GNL3L: variants seen among roughly 807,000 people sequenced by gnomAD.
The protein encoded by GNL3L is guanine nucleotide-binding protein-like 3-like protein.
In GNL3L, 4 loss-of-function variants were observed where a neutral mutation model predicts 42.9. That is an observed-to-expected ratio of 0.09 (90% CI 0.05 to 0.21). The LOEUF is 0.21. Ranked by LOEUF, GNL3L falls within the 10% of genes least tolerant of loss-of-function variation. GNL3L has a pLI of 1.00. For synonymous variants in GNL3L, 159 were observed against 176.3 expected (o/e 0.90, Z 0.78); for missense variants, 412 against 481.7 (o/e 0.86, Z 1.36).
rs182945288 is a variant in GNL3L, at chrX:54,616,205, C to T, written c.*46-4640C>T. 3.9e-3 allele frequency among the ~76,000 whole-genome samples: 441 copies of T among 112,958 alleles called. 3 individuals carry two copies. Among genetic ancestry groups the T allele is most frequent in the South Asian group, 9.4e-3 (26 of 2,758 alleles). ...GCAAGGGCAGTGCCCGCCATATGGG[C>T]GCCACAAGCAGGCTACAGAAAGGGT... On this transcript the variant is annotated intron_variant, in intron 16 of 16. Coordinates refer to the GNL3L transcript ENST00000674498.
chrX:54,628,962 TA>T, the GNL3L span, among the ~76,000 whole-genome samples: 1 of 106,508 alleles, frequency 9.4e-6, no homozygotes, highest in Non-Finnish European at 1.9e-5. Flanking sequence ...TAATTAAATA[TA>T]AAATATAATT....
At chrX:54,545,373 GTTT>G (rs201304612) in intron 8 of GNL3L, among the ~76,000 whole-genome samples, 1 of 98,332 alleles carries the variant, frequency 1.0e-5, no homozygotes, top group African/African-American at 3.6e-5. Flanking sequence ...TAAGTTTTGT[GTTT>G]TTTTTTTTTA....
the GNL3L span, among the ~76,000 whole-genome samples, chrX:54,636,344 T>C: frequency 1.8e-5 from 2 of 112,163 alleles, no homozygotes; most frequent in Non-Finnish European, 3.8e-5. Flanking sequence ...AAAACTTTCT[T>C]ACCATTTTGA....
chrX:54,622,998 T>A (rs1031865722), downstream of GNL3L, among the ~76,000 whole-genome samples: 2 of 111,933 alleles, frequency 1.8e-5, no homozygotes, highest in African/African-American at 6.5e-5. Flanking sequence ...TTTAATGGAC[T>A]TGTCACCTTT....
chrX:54,611,010 A>C (rs1199880717), intron 16 of GNL3L, among the ~76,000 whole-genome samples: 1 of 111,110 alleles, frequency 9.0e-6, no homozygotes, highest in Non-Finnish European at 1.9e-5. Flanking sequence ...TTAAATTACC[A>C]TTTCAGCCTC....
chrX:54,629,342 A>G, the GNL3L span, among the ~76,000 whole-genome samples: 1 of 111,585 alleles, frequency 9.0e-6, no homozygotes, highest in Non-Finnish European at 1.9e-5. Context: ...GCCTTGTTCC[A>G]GTTCTCAGAG....
Position 54,533,920 on chromosome X carries a change from T to C in GNL3L, c.19+1335T>C, listed in dbSNP as rs763340488. On this transcript the variant is annotated intron_variant, in intron 2 of 15. Transcript: ENST00000360845. ...TATGCATACTTAAGAATTCTGGCTG[T>C]TTAAAAGATAAAGTAGTATCATATA... Among the ~76,000 whole-genome samples the C allele has an allele frequency of 5.4e-5, 6 of 110,299 alleles. No individual in the cohort carries two copies. In the East Asian group the frequency reaches 1.7e-3, roughly 31 times the overall value.
chrX:54,623,515 G>A (rs150890392), downstream of GNL3L, among the ~76,000 whole-genome samples: 10 of 111,958 alleles, frequency 8.9e-5, no homozygotes, highest in African/African-American at 1.9e-4. Context: ...CGCCTGCCTC[G>A]GTCTCCCAAA....
chrX:54,600,776 T>C (rs939799264), intron 16 of GNL3L, among the ~76,000 whole-genome samples: 3 of 111,196 alleles, frequency 2.7e-5, no homozygotes, highest in African/African-American at 9.8e-5. Context: ...TGTAAAATGG[T>C]ACAGCCATTT....
intron 16 of GNL3L, among the ~76,000 whole-genome samples, chrX:54,581,931 A>G (rs1201718862): frequency 8.9e-6 from 1 of 111,975 alleles, no homozygotes; most frequent in Admixed American, 9.5e-5. Flanking sequence ...TAAGTGCCCA[A>G]GAGTGGAATT....
At chrX:54,638,134 T>C in the GNL3L span, among the ~76,000 whole-genome samples, 1 of 111,877 alleles carries the variant, frequency 8.9e-6, no homozygotes, top group African/African-American at 3.3e-5. Context: ...TTATCCATCC[T>C]TTGCAATTTT....
chrX:54,533,754 T>C (rs1305791798), intron 2 of GNL3L, among the ~76,000 whole-genome samples: 3 of 109,925 alleles, frequency 2.7e-5, no homozygotes, highest in Non-Finnish European at 5.7e-5. Context: ...TGAACCACCA[T>C]GCCCGACCAA....
At chrX:54,599,832 A>C (rs898684555) in intron 16 of GNL3L, among the ~76,000 whole-genome samples, 1 of 109,455 alleles carries the variant, frequency 9.1e-6, no homozygotes, top group African/African-American at 3.3e-5. Flanking sequence ...TGTCCCCTCC[A>C]TTTTTTCTGT....
At chrX:54,607,103 TTC>T (rs1926103215) in intron 16 of GNL3L, among the ~76,000 whole-genome samples, 1 of 79,366 alleles carries the variant, frequency 1.3e-5, no homozygotes, top group African/African-American at 5.6e-5. Flanking sequence ...CTTTCTTTCT[TTC>T]TTTCTTTCTT....
chrX:54,569,316 A>T (rs1925512541), downstream of GNL3L, among the ~76,000 whole-genome samples: 1 of 111,876 alleles, frequency 8.9e-6, no homozygotes, highest in South Asian at 3.7e-4. Flanking sequence ...AGAGTTTACC[A>T]GTAAGTTTTA....
the GNL3L span, among the ~76,000 whole-genome samples, chrX:54,630,430 C>A: frequency 2.6e-4 from 28 of 109,224 alleles, no homozygotes; most frequent in African/African-American, 8.7e-4. Context: ...TTGCCATGTC[C>A]CAGAGGTTTT....
chrX:54,577,889 G>A (rs1046260252), intron 16 of GNL3L, among the ~76,000 whole-genome samples: 17 of 110,417 alleles, frequency 1.5e-4, no homozygotes, highest in Non-Finnish European at 2.8e-4. Context: ...CTACAGGCGT[G>A]GGCCACAATG....
chrX:54,562,227 G>A lies in GNL3L; in HGVS notation c.*1625G>A, dbSNP rs1288741362. ...CGCCTGGCTAGTTTTTGTATTTTTAGTAGAGACGATGTTTCACCATGTTGA... is the reference window on the plus strand; with the variant it reads ...CGCCTGGCTAGTTTTTGTATTTTTAATAGAGACGATGTTTCACCATGTTGA... On this transcript the variant is annotated 3_prime_UTR_variant, in exon 16 of 16. Coordinates refer to ENST00000360845, the MANE Select transcript of GNL3L (RefSeq NM_001184819.2). Among the ~76,000 whole-genome samples, 2 of 111,920 alleles carry A rather than the reference G, an allele frequency of 1.8e-5. No individual in the cohort carries two copies. Among genetic ancestry groups the A allele is most frequent in the East Asian group, 5.6e-4 (2 of 3,552 alleles).
At position 54,558,841 on chromosome X, in the gene GNL3L, G is replaced by C. The variant is rs181952370; in HGVS notation, c.1666+186G>C. 4.6e-3 allele frequency among the ~76,000 whole-genome samples: 513 copies of C among 111,887 alleles called. 4 individuals carry two copies. Among genetic ancestry groups the C allele is most frequent in the African/African-American group, 0.016 (482 of 30,817 alleles). ...CCGGCTCATTTTTGTATTTTTAGTAGAGACGATGTTTCGCCATGTTGGCCA... is the reference window on the plus strand; with the variant it reads ...CCGGCTCATTTTTGTATTTTTAGTACAGACGATGTTTCGCCATGTTGGCCA... On this transcript the variant is annotated intron_variant, in intron 15 of 15. Coordinates refer to ENST00000360845, the MANE Select transcript of GNL3L (RefSeq NM_001184819.2).
Sources: allele counts gnomAD v4.1 joint callset (sites outside exome capture counted in the v4.1 genomes callset), GRCh38; gene constraint gnomAD v4.1.1; transcripts MANE v1.5; gene names NCBI Gene and HGNC (gene_info 2026-07-23, HGNC 2026-07-21).